The following IL7R variants were observed in gnomAD, a reference collection of about 807,000 sequenced individuals.
IL7R encodes the protein interleukin 7 receptor.
A neutral mutation model predicts 47.0 loss-of-function variants in IL7R; 38 were observed. That is an observed-to-expected ratio of 0.81 (90% CI 0.62 to 1.06). IL7R has a LOEUF of 1.06. Ranked by LOEUF, IL7R falls within the 50% of genes least tolerant of loss-of-function variation. The probability of loss-of-function intolerance (pLI) is 0.00; values close to 1 mark genes in which losing one functional copy is unlikely to be tolerated. For synonymous variants in IL7R, 221 were observed against 199.8 expected (o/e 1.11, Z -0.89); for missense variants, 633 against 534.8 (o/e 1.18, Z -1.81).
At position 35,878,637 on chromosome 5, in the gene IL7R, G is replaced by A. The variant is rs1032998785; in HGVS notation, c.*2151G>A. ...ATGGGAGTCAAGTCTCAAATAGGAG[G>A]CTCCACAAAATCTCATGCCAGGTCT... On this transcript the variant is annotated 3_prime_UTR_variant, in exon 8 of 8. Coordinates refer to ENST00000303115, the MANE Select transcript of IL7R (RefSeq NM_002185.5). 1 of 232,452 alleles carries A rather than the reference G, an allele frequency of 4.3e-6. No homozygotes were observed. Among genetic ancestry groups the A allele is most frequent in the African/African-American group, 2.2e-5 (1 of 45,272 alleles). 14.4% of individuals were successfully genotyped at this position (232,452 alleles called of 1,614,324 possible). A position where few individuals can be genotyped will look rare whatever the true frequency, so the allele number is the denominator to read the frequency against.
intron 4 of IL7R, among the ~76,000 whole-genome samples, 171 bp downstream of exon 4, chr5:35,871,384 G>C (rs1363069267): frequency 6.6e-6 from 1 of 152,128 alleles, no homozygotes; most frequent in African/African-American, 2.4e-5. Context: ...CTTCCCTGAT[G>C]CATACTCTTC....
rs563155310 is a variant in IL7R, at chr5:35,876,813, T to A, written c.*327T>A. 1 of 387,698 alleles carries A rather than the reference T, an allele frequency of 2.6e-6. No homozygotes were observed. The highest frequency in any genetic ancestry group is 4.2e-5 in the East Asian group (1 of 24,044). 24.0% of individuals were successfully genotyped at this position (387,698 alleles called of 1,614,324 possible). ...GAGTGAGGAAGGCAGGAAGAGAGCA[T>A]GAGAGGAAAGAAAGAAAGGAAAATA... On this transcript the variant is annotated 3_prime_UTR_variant, in exon 8 of 8. Coordinates refer to ENST00000303115, the MANE Select transcript of IL7R (RefSeq NM_002185.5).
In IL7R at chr5:35,876,492, A is replaced by G. The variant is rs1304977214; in HGVS notation, c.*6A>G. The G allele has an allele frequency of 2.5e-6, 4 of 1,600,978 alleles. No homozygotes were observed. In the African/African-American group the frequency reaches 5.3e-5, roughly 21 times the overall value. ...GCTTCTACCAAAACCAGTGAAGTGT[A>G]AGAAACCCAGACTGAACTTACCGTG... On this transcript the variant is annotated 3_prime_UTR_variant, in exon 8 of 8. Coordinates refer to ENST00000303115, the MANE Select transcript of IL7R (RefSeq NM_002185.5).
chr5:35,879,457 A>G lies in IL7R; in HGVS notation c.*2971A>G, dbSNP rs1760299005. On this transcript the variant is annotated 3_prime_UTR_variant, in exon 8 of 8. Transcript: ENST00000303115. ...TTTATTGTTGGGACTATTCTTTAAA[A>G]TATCCATTGTTCACTACAGTGAAGA... The G allele has an allele frequency of 4.3e-6, 1 of 232,718 alleles. No homozygotes were observed. The highest frequency in any genetic ancestry group is 6.1e-5 in the East Asian group (1 of 16,518). 14.4% of individuals were successfully genotyped at this position (232,718 alleles called of 1,614,324 possible).
chr5:35,869,772 C>T (rs555954964), intron 3 of IL7R, among the ~76,000 whole-genome samples: 3 of 152,300 alleles, frequency 2.0e-5, no homozygotes, highest in African/African-American at 7.2e-5. Context: ...ATTCTCTGTT[C>T]GGCTGTTCTC....
At chr5:35,874,974 T>A (rs1233266280) in intron 6 of IL7R, among the ~76,000 whole-genome samples, 2 of 152,200 alleles carry the variant, frequency 1.3e-5, no homozygotes, top group African/African-American at 4.8e-5. Context: ...TACTTACTAT[T>A]CTAGGAGAAT....
intron 2 of IL7R, 145 bp from the exon 3 acceptor site, chr5:35,867,161 A>G (rs1438150404): frequency 1.5e-6 from 1 of 664,874 alleles, no homozygotes; most frequent in African/African-American, 1.8e-5. Flanking sequence ...ATTATCTCTC[A>G]TTCCTGAACA....
Position 35,877,056 on chromosome 5 carries a change from C to T in IL7R, c.*570C>T, listed in dbSNP as rs1055497325. On this transcript the variant is annotated 3_prime_UTR_variant, in exon 8 of 8. Coordinates refer to ENST00000303115, the MANE Select transcript of IL7R (RefSeq NM_002185.5). ...GAAGGGAGGGGCCAAGATATGATGGCTGGGAGTCTAATTGCAGTTCCCTGA... is the reference window on the plus strand; with the variant it reads ...GAAGGGAGGGGCCAAGATATGATGGTTGGGAGTCTAATTGCAGTTCCCTGA... The T allele has an allele frequency of 4.2e-6, 1 of 236,950 alleles. No homozygotes were observed. 14.7% of individuals were successfully genotyped at this position (236,950 alleles called of 1,614,324 possible). A position where few individuals can be genotyped will look rare whatever the true frequency, so the allele number is the denominator to read the frequency against.
chr5:35,873,719 G>T, intron 5 of IL7R, 71 bp downstream of exon 5: 1 of 1,446,762 alleles, frequency 6.9e-7, no homozygotes. Flanking sequence ...GCAAGTGAGA[G>T]GAAGATTGTT....
Position 35,876,039 on chromosome 5 carries a change from G to A in IL7R, c.933G>A (p.Val311=), listed in dbSNP as rs1760197729. Residue 311 remains valine (V), a synonymous_variant, in exon 8 of 8, where the codon GTG becomes GTA. Transcript: ENST00000303115. ...TCCTGGACTGCCAGATTCATAGGGT[G>A]GATGACATTCAAGCTAGAGATGAAG... ...ESFLDCQIHR[V]DDIQARDEVE... 6.2e-7 allele frequency: 1 copy of A among 1,614,102 alleles called. No homozygotes were observed. The highest frequency in any genetic ancestry group is 8.5e-7 in the Non-Finnish European group (1 of 1,179,996).
Position 35,874,521 on chromosome 5 carries a change from C to T in IL7R, c.779C>T (p.Ala260Val), listed in dbSNP as rs2149904079. 6.2e-7 allele frequency: 1 copy of T among 1,612,732 alleles called. No homozygotes were observed. Among genetic ancestry groups the T allele is most frequent in the Non-Finnish European group, 8.5e-7 (1 of 1,178,852 alleles). The change falls in exon 6 of 8, where the codon GCC (alanine) becomes GTC (valine). Residue 260 changes from alanine to valine, a missense_variant. Coordinates refer to ENST00000303115, the MANE Select transcript of IL7R (RefSeq NM_002185.5). ...FFSVALLVIL[A>V]CVLWKKRIKP... The stretch of plus-strand genomic sequence containing the variant: ...TCTGTCGCTCTGTTGGTCATCTTGG[C>T]CTGTGTGTTATGGAAAAAAAGGTGA...
At chr5:35,858,789 C>G (rs1369234169) in intron 1 of IL7R, among the ~76,000 whole-genome samples, 1 of 152,176 alleles carries the variant, frequency 6.6e-6, no homozygotes, top group Non-Finnish European at 1.5e-5. Context: ...TAAGCTACCT[C>G]TTTGTAAATA....
At chr5:35,871,617 C>A (rs984044824) in intron 4 of IL7R, among the ~76,000 whole-genome samples, 1 of 151,754 alleles carries the variant, frequency 6.6e-6, no homozygotes, top group Non-Finnish European at 1.5e-5. Context: ...TTCATGGGAC[C>A]AGCATGAGGT....
At position 35,877,636 on chromosome 5, in the gene IL7R, C is replaced by T. The variant is rs1561426911; in HGVS notation, c.*1150C>T. On this transcript the variant is annotated 3_prime_UTR_variant, in exon 8 of 8. Coordinates refer to ENST00000303115, the MANE Select transcript of IL7R (RefSeq NM_002185.5). ...CAACCTAAATTCATCCCTAAATTGT[C>T]CCAAGTTCTCCAGCAATAGAGGCTG... 3 of 233,142 alleles carry T rather than the reference C, an allele frequency of 1.3e-5. No individual in the cohort carries two copies. Among genetic ancestry groups the T allele is most frequent in the South Asian group, 3.6e-4 (2 of 5,528 alleles). 14.4% of individuals were successfully genotyped at this position (233,142 alleles called of 1,614,324 possible). A position where few individuals can be genotyped will look rare whatever the true frequency, so the allele number is the denominator to read the frequency against.
intron 2 of IL7R, 113 bp from the exon 3 acceptor site, chr5:35,867,193 A>G: frequency 1.1e-6 from 1 of 929,562 alleles, no homozygotes; most frequent in Non-Finnish European, 1.7e-6. Context: ...ACCCACCCAC[A>G]TACCTATGAA....
chr5:35,871,088 G>T lies in IL7R; in HGVS notation c.412G>T (p.Val138Phe), dbSNP rs1494555. ...TGAGGCTCCTTTTGACCTGAGTGTC[G>T]TCTATCGGGAAGGAGCCAATGACTT... ...KPEAPFDLSV[V>F]YREGANDFVV... The change falls in exon 4 of 8, where the codon GTC (valine) becomes TTC (phenylalanine). Residue 138 changes from valine (V) to phenylalanine (F), a missense_variant. Val to Phe is a conservative substitution (Grantham distance 50). Coordinates refer to ENST00000303115, the MANE Select transcript of IL7R (RefSeq NM_002185.5). 1.9e-6 allele frequency: 3 copies of T among 1,612,206 alleles called. No homozygotes were observed. The highest frequency in any genetic ancestry group is 1.7e-4 in the Middle Eastern group (1 of 6,058).
rs1760027506 is a variant in IL7R, at chr5:35,869,863, C to G, written c.380-1193C>G. Among the ~76,000 whole-genome samples the G allele has an allele frequency of 3.3e-5, 5 of 152,270 alleles. No homozygotes were observed. In the South Asian group the frequency reaches 1.0e-3, roughly 32 times the overall value. On this transcript the variant is annotated intron_variant, in intron 3 of 7. Transcript: ENST00000303115. The stretch of plus-strand genomic sequence containing the variant: ...TAAACTTCCCCTTTTACAACCCATC[C>G]AAGGGTGAAAAACAAAGTCATTACT...
At chr5:35,874,127 G>A (rs1438383961) in intron 5 of IL7R, among the ~76,000 whole-genome samples, 1 of 152,152 alleles carries the variant, frequency 6.6e-6, no homozygotes, top group Non-Finnish European at 1.5e-5. Flanking sequence ...ATTTGCAACA[G>A]GGGTGAACAT....
At position 35,878,542 on chromosome 5, in the gene IL7R, A is replaced by C. The variant is rs1760271601; in HGVS notation, c.*2056A>C. 1.3e-5 allele frequency: 3 copies of C among 232,820 alleles called. No homozygotes were observed. In the East Asian group the frequency reaches 1.8e-4, roughly 14 times the overall value. 14.4% of individuals were successfully genotyped at this position (232,820 alleles called of 1,614,324 possible). ...TAAATTTACATGGAGGAAAAGTAGA[A>C]TCTGCCTGGTTTGTAGGCAGCAGAA... On this transcript the variant is annotated 3_prime_UTR_variant, in exon 8 of 8. Transcript: ENST00000303115.
Sources: gnomAD v4.1 joint callset for allele counts (sites outside exome capture counted in the v4.1 genomes callset) on GRCh38, gnomAD v4.1.1 for gene constraint, MANE v1.5 for transcripts, NCBI Gene and HGNC (gene_info 2026-07-23, HGNC 2026-07-21) for gene names.